LRRC9: variants seen among roughly 807,000 people sequenced by gnomAD.
LRRC9 encodes the protein leucine-rich repeat-containing protein 9.
LRRC9 carries 122 observed loss-of-function variants against 63.2 expected under a neutral mutation model. The ratio of observed to expected loss-of-function variants is 1.93; its 90% CI spans 1.67 to 2.24. LRRC9 has a LOEUF of 2.24. LRRC9 is among the 30% of genes most tolerant of loss of function. The pLI is 0.00. For synonymous variants in LRRC9, 366 were observed against 213.1 expected, an observed-to-expected ratio of 1.72 and a Z score of -6.25; for missense variants, 1,071 against 627.7, an observed-to-expected ratio of 1.71 and a Z score of -7.55.
chr14:60,019,405 A>G (rs889245166), intron 26 of LRRC9, 145 bp downstream of exon 26: 3 of 483,794 alleles, frequency 6.2e-6, no homozygotes, highest in African/African-American at 6.0e-5. Flanking sequence ...GCTACATGCC[A>G]AAAATAAACT....
intron 13 of LRRC9, among the ~76,000 whole-genome samples, chr14:59,975,034 C>CAAATATATAT (rs1885975068): frequency 1.2e-5 from 1 of 81,026 alleles, no homozygotes; most frequent in African/African-American, 4.7e-5. Context: ...TGTGTCACAG[C>CAAATATATAT]ATATATATAT....
chr14:60,011,365 C>G (rs981107888), intron 23 of LRRC9, among the ~76,000 whole-genome samples: 5 of 152,188 alleles, frequency 3.3e-5, no homozygotes, highest in Non-Finnish European at 7.3e-5. Context: ...GTCCCTCCCA[C>G]AACACAAGTG....
intron 8 of LRRC9, among the ~76,000 whole-genome samples, chr14:59,955,568 G>A (rs1253599386): frequency 2.0e-5 from 3 of 151,864 alleles, no homozygotes; most frequent in Admixed American, 2.0e-4. Context: ...GTCTGTCTAT[G>A]TTGTTGATCT....
chr14:60,053,493 A>C lies in LRRC9; in HGVS notation c.4131+288A>C, dbSNP rs73308131. 6.6e-6 allele frequency among the ~76,000 whole-genome samples: 1 copy of C among 152,078 alleles called. No homozygotes were observed. The highest frequency in any genetic ancestry group is 1.5e-5 in the Non-Finnish European group (1 of 68,028). ...TACTCTGACATAAGGAAAGTTATTT[A>C]ATATTTGTATGCTCAATATGTCAGA... On this transcript the variant is annotated intron_variant, in intron 30 of 31. Coordinates refer to ENST00000445360, the Ensembl canonical transcript of LRRC9. The surrounding 1 kb of genome is among the most constrained non-coding windows in gnomAD (Gnocchi z 4.8).
chr14:59,969,425 T>G (rs1353152153), intron 12 of LRRC9: 1 of 152,202 alleles, frequency 6.6e-6, no homozygotes, highest in Non-Finnish European at 1.5e-5. Flanking sequence ...GAAACATCAG[T>G]GTGTAGCATG....
Position 59,946,273 on chromosome 14 carries a change from C to G in LRRC9, c.882+1529C>G, listed in dbSNP as rs1344488547. 2.0e-5 allele frequency among the ~76,000 whole-genome samples: 3 copies of G among 150,172 alleles called. No homozygotes were observed. The East Asian group carries it at 5.8e-4, about 29-fold the overall frequency. ...TTCTTATTATAATTAGAAAAATATT[C>G]TTAAAGTAAAACATTAATAAAATTT... On this transcript the variant is annotated intron_variant, in intron 8 of 31. Coordinates refer to ENST00000445360, the Ensembl canonical transcript of LRRC9.
At chr14:59,949,727 T>A (rs1468456513) in intron 8 of LRRC9, among the ~76,000 whole-genome samples, 1 of 151,664 alleles carries the variant, frequency 6.6e-6, no homozygotes, top group African/African-American at 2.4e-5. Flanking sequence ...CAAAGAACTC[T>A]TTATTTCTGC....
Position 60,019,070 on chromosome 14 carries a change from A to T in LRRC9, c.3427-51A>T, listed in dbSNP as rs1890917220. 2.9e-5 allele frequency: 18 copies of T among 619,996 alleles called. 1 individual carries two copies. In the South Asian group the frequency reaches 3.5e-4, roughly 12 times the overall value. 38.4% of individuals were successfully genotyped at this position (619,996 alleles called of 1,614,324 possible). A position where few individuals can be genotyped will look rare whatever the true frequency, so the allele number is the denominator to read the frequency against. On this transcript the variant is annotated intron_variant, in intron 25 of 31. Transcript: ENST00000445360. The stretch of plus-strand genomic sequence containing the variant: ...GGTATATTCCAAGTTTTATCCATAC[A>T]ATTTTTAATAATTTCTAGGATTTCT...
intron 8 of LRRC9, among the ~76,000 whole-genome samples, chr14:59,955,238 C>G (rs181807143): frequency 8.5e-5 from 13 of 152,262 alleles, no homozygotes; most frequent in Admixed American, 7.8e-4. Flanking sequence ...CTCTTTGTAC[C>G]TCTGATAGAA....
chr14:60,061,734 A>G (rs1004718282), intron 31 of LRRC9, among the ~76,000 whole-genome samples: 1 of 152,222 alleles, frequency 6.6e-6, no homozygotes, highest in African/African-American at 2.4e-5. Flanking sequence ...CTGTACATTT[A>G]TTACAGCATG....
At chr14:60,030,040 C>A (rs545949667) in intron 28 of LRRC9, among the ~76,000 whole-genome samples, 1 of 152,080 alleles carries the variant, frequency 6.6e-6, no homozygotes, top group East Asian at 1.9e-4. Flanking sequence ...AACTTCTGAA[C>A]TCTCACTTCA....
At chr14:60,062,262 G>A in intron 31 of LRRC9, 83 bp downstream of exon 32, 3 of 396,414 alleles carry the variant, frequency 7.6e-6, no homozygotes, top group Non-Finnish European at 1.3e-5. Flanking sequence ...TGTATAACAG[G>A]AAATATTGTT....
intron 29 of LRRC9, among the ~76,000 whole-genome samples, chr14:60,036,472 AT>A (rs1892441646): frequency 1.3e-5 from 2 of 152,288 alleles, no homozygotes; most frequent in South Asian, 4.1e-4. Flanking sequence ...GGGCATGATG[AT>A]TCCTTCACAT....
chr14:60,061,919 C>A, intron 31 of LRRC9, 92 bp from the exon 32 acceptor site: 1 of 396,622 alleles, frequency 2.5e-6, no homozygotes, highest in Non-Finnish European at 4.4e-6. Context: ...CGCTGAAGGA[C>A]AACCAAACTA....
chr14:59,923,786 A>G lies in LRRC9; in HGVS notation c.-34+3903A>G, dbSNP rs1358136316. Among the ~76,000 whole-genome samples, 1 of 152,098 alleles carries G rather than the reference A, an allele frequency of 6.6e-6. No individual in the cohort carries two copies. Among genetic ancestry groups the G allele is most frequent in the Non-Finnish European group, 1.5e-5 (1 of 68,006 alleles). On this transcript the variant is annotated intron_variant, in intron 1 of 31. Transcript: ENST00000445360. This position sits in a 1 kb window ranked among gnomAD's most constrained non-coding sequence, Gnocchi z 4.2. The stretch of plus-strand genomic sequence containing the variant: ...AAACCCCGTCTCTACTAAAAATACA[A>G]AAAAATTAGCCGGGCGTGGTGGCAG...
chr14:60,065,054 T>A (rs980302320), downstream of LRRC9, among the ~76,000 whole-genome samples: 2 of 152,216 alleles, frequency 1.3e-5, no homozygotes, highest in Non-Finnish European at 2.9e-5. Context: ...TTGTTAAATT[T>A]TGAGCTATTT....
intron 7 of LRRC9, among the ~76,000 whole-genome samples, chr14:59,939,045 A>G (rs1354192562): frequency 2.0e-5 from 3 of 147,954 alleles, no homozygotes; most frequent in Non-Finnish European, 3.0e-5. Context: ...ACATATATAC[A>G]TATATACACA....
chr14:60,050,455 A>G (rs1163140347), intron 29 of LRRC9, among the ~76,000 whole-genome samples: 1 of 152,192 alleles, frequency 6.6e-6, no homozygotes, highest in African/African-American at 2.4e-5. Flanking sequence ...TATTCTGATT[A>G]TCAGCTCCTG....
intron 20 of LRRC9, among the ~76,000 whole-genome samples, chr14:60,002,472 G>C (rs1889460913): frequency 6.6e-6 from 1 of 151,990 alleles, no homozygotes; most frequent in Non-Finnish European, 1.5e-5. Flanking sequence ...CTATGAGTTT[G>C]ACTATTTTAG....
Sources: allele counts gnomAD v4.1 joint callset (sites outside exome capture counted in the v4.1 genomes callset), GRCh38; gene constraint gnomAD v4.1.1; non-coding constraint Gnocchi (gnomAD v3.1); transcripts MANE v1.5; gene names NCBI Gene and HGNC (gene_info 2026-07-23, HGNC 2026-07-21).